The following NSG2 variants were observed in gnomAD, a reference collection of about 807,000 sequenced individuals.
NSG2 encodes neuronal vesicle trafficking associated 2, also known as neuronal vesicle trafficking-associated protein 2.
In NSG2, 4 loss-of-function variants were observed where a neutral mutation model predicts 16.9. The ratio of observed to expected loss-of-function variants is 0.24; its 90% confidence interval spans 0.12 to 0.54. NSG2 has a LOEUF of 0.54. Among genes scored for constraint, NSG2 ranks in the 20% least tolerant of loss-of-function variants. The probability of loss-of-function intolerance (pLI) is 0.95; values close to 1 mark genes in which losing one functional copy is unlikely to be tolerated. For synonymous variants in NSG2, 98 were observed against 88.7 expected (o/e 1.11, Z -0.59); for missense variants, 179 against 221.1 (o/e 0.81, Z 1.21).
At chr5:174,058,403 C>G (rs948399349) in intron 2 of NSG2, among the ~76,000 whole-genome samples, 2 of 152,054 alleles carry the variant, frequency 1.3e-5, no homozygotes, top group Admixed American at 6.5e-5. Flanking sequence ...TGCACTCCAG[C>G]CTGGGCAAAA....
chr5:174,094,754 G>A (rs1760768550), intron 3 of NSG2, among the ~76,000 whole-genome samples: 1 of 152,174 alleles, frequency 6.6e-6, no homozygotes, highest in Admixed American at 6.5e-5. Flanking sequence ...ATCCAACTGG[G>A]TTCTTCCCTT....
chr5:174,101,867 C>G, intron 3 of NSG2, among the ~76,000 whole-genome samples: 1 of 152,104 alleles, frequency 6.6e-6, no homozygotes, highest in Non-Finnish European at 1.5e-5. Flanking sequence ...ATAGGAGTTT[C>G]CTAGGGTGCA....
intron 3 of NSG2, among the ~76,000 whole-genome samples, chr5:174,099,209 G>T (rs1048113499): frequency 1.3e-5 from 2 of 152,086 alleles, no homozygotes; most frequent in East Asian, 3.9e-4. Context: ...AGGAAATCTC[G>T]CCCTGGAACC....
intron 3 of NSG2, among the ~76,000 whole-genome samples, chr5:174,070,975 C>A (rs1581225045): frequency 6.6e-6 from 1 of 152,332 alleles, no homozygotes; most frequent in East Asian, 1.9e-4. Context: ...ACACCCTGAT[C>A]CAGCATTCAG....
chr5:174,082,899 A>C (rs1249385166), intron 3 of NSG2, among the ~76,000 whole-genome samples: 1 of 152,150 alleles, frequency 6.6e-6, no homozygotes, highest in Non-Finnish European at 1.5e-5. Context: ...GATTTTAAAA[A>C]CGCCAATGGA....
rs1000632270 is a variant in NSG2 at position 174,107,196 on chromosome 5, C to T, written c.325-118C>T. The stretch of plus-strand genomic sequence containing the variant: ...GTGCCAGGCCCAGGTCAGGAGCTGT[C>T]ACCTGCCCTCTGGCTGACAGCCCGA... On this transcript the variant is annotated intron_variant, in intron 4 of 4. Coordinates refer to ENST00000303177, the MANE Select transcript of NSG2 (RefSeq NM_015980.5). This position sits in a 1 kb window ranked among gnomAD's most constrained non-coding sequence, Gnocchi z 4.5. The T allele has an allele frequency of 9.2e-5, 81 of 880,182 alleles. 1 individual carries two copies. In the South Asian group the frequency reaches 1.6e-3, roughly 17 times the overall value. 54.5% of individuals were successfully genotyped at this position (880,182 alleles called of 1,614,324 possible). A position where few individuals can be genotyped will look rare whatever the true frequency, so the allele number is the denominator to read the frequency against.
intron 2 of NSG2, among the ~76,000 whole-genome samples, chr5:174,058,724 A>G (rs949414887): frequency 2.6e-5 from 4 of 152,222 alleles, no homozygotes; most frequent in African/African-American, 9.6e-5. Context: ...AAGAAGATGA[A>G]GGCAGAGCAC....
chr5:174,098,634 A>T (rs547183968), intron 3 of NSG2, among the ~76,000 whole-genome samples: 1 of 152,170 alleles, frequency 6.6e-6, no homozygotes, highest in East Asian at 1.9e-4. Flanking sequence ...TTCAGACCAC[A>T]TTCAGTGCTT....
intron 3 of NSG2, among the ~76,000 whole-genome samples, chr5:174,080,547 CTCTTTCTTTTCTTTCTTT>C (rs1197305438): frequency 7.1e-6 from 1 of 141,120 alleles, no homozygotes; most frequent in East Asian, 2.0e-4. Flanking sequence ...CTCTCTCTCT[CTCTTTCTTTTCTTTCTTT>C]TCTTTCTTTT....
intron 2 of NSG2, chr5:174,056,029 G>T (rs1230705023): frequency 2.0e-5 from 3 of 152,248 alleles, no homozygotes; most frequent in Admixed American, 6.5e-5. Flanking sequence ...AACTAAGGAT[G>T]CAGGCCCCAT....
chr5:174,079,786 A>G (rs1440549867), intron 3 of NSG2, among the ~76,000 whole-genome samples: 1 of 152,052 alleles, frequency 6.6e-6, no homozygotes, highest in African/African-American at 2.4e-5. Context: ...TGCTTTTTTC[A>G]TTCTACAATA....
At chr5:174,094,359 A>G (rs1297910168) in intron 3 of NSG2, among the ~76,000 whole-genome samples, 1 of 152,216 alleles carries the variant, frequency 6.6e-6, no homozygotes, top group Admixed American at 6.5e-5. Context: ...GTAAGCCCAT[A>G]GGCTGGGCCA....
chr5:174,065,192 G>A (rs896092974), intron 3 of NSG2, among the ~76,000 whole-genome samples: 1 of 151,938 alleles, frequency 6.6e-6, no homozygotes, highest in Non-Finnish European at 1.5e-5. Flanking sequence ...GCTGGGCGTA[G>A]TGGCGGGCGC....
At chr5:174,064,516 C>T in intron 3 of NSG2, 1 of 422,640 alleles carries the variant, frequency 2.4e-6, no homozygotes, top group East Asian at 3.4e-5. Context: ...CTATCATATT[C>T]TCGTGTACTC....
intron 2 of NSG2, among the ~76,000 whole-genome samples, chr5:174,049,201 G>C (rs779450475): frequency 6.6e-6 from 1 of 152,104 alleles, no homozygotes; most frequent in African/African-American, 2.4e-5. Flanking sequence ...TTAGCCGGGC[G>C]TGGTGGTGGG....
intron 3 of NSG2, among the ~76,000 whole-genome samples, chr5:174,071,539 G>A (rs1161125011): frequency 3.3e-5 from 5 of 152,164 alleles, no homozygotes; most frequent in African/African-American, 1.2e-4. Flanking sequence ...TAAACAAACA[G>A]CAACAAGTAA....
At chr5:174,046,970 C>A (rs527869200) in intron 2 of NSG2, 86 bp downstream of exon 2, 15 of 1,392,928 alleles carry the variant, frequency 1.1e-5, no homozygotes, top group Middle Eastern at 1.9e-4. Context: ...CCCCCCAAAT[C>A]CTTTCATTCT....
Position 174,107,232 on chromosome 5 carries a change from C to G in NSG2, c.325-82C>G, listed in dbSNP as rs1430903671. Reference sequence around the variant, plus strand: ...TGGCTGACAGCCCGATGCAGCTGCACTCCAGTCAGGGTGGCTGTGTTGCTG... The same window carrying G: ...TGGCTGACAGCCCGATGCAGCTGCAGTCCAGTCAGGGTGGCTGTGTTGCTG... On this transcript the variant is annotated intron_variant, in intron 4 of 4. Coordinates refer to ENST00000303177, the MANE Select transcript of NSG2 (RefSeq NM_015980.5). This position sits in a 1 kb window ranked among gnomAD's most constrained non-coding sequence, Gnocchi z 4.5. The G allele has an allele frequency of 1.5e-6, 2 of 1,300,658 alleles. No individual in the cohort carries two copies. The highest frequency in any genetic ancestry group is 2.1e-6 in the Non-Finnish European group (2 of 952,012). The allele number at this position is 1,300,658 out of a possible 1,614,324, so 80.6% of individuals were successfully genotyped here. A position where few individuals can be genotyped will look rare whatever the true frequency, so the allele number is the denominator to read the frequency against.
chr5:174,087,993 A>G (rs891439121), intron 3 of NSG2, among the ~76,000 whole-genome samples: 5 of 152,092 alleles, frequency 3.3e-5, no homozygotes, highest in African/African-American at 1.2e-4. Context: ...TAGACAGAAC[A>G]ATGGGCAGTA....
Sources: gnomAD v4.1 joint callset for allele counts (sites outside exome capture counted in the v4.1 genomes callset) on GRCh38, gnomAD v4.1.1 for gene constraint, Gnocchi (gnomAD v3.1) non-coding constraint, MANE v1.5 for transcripts, NCBI Gene and HGNC (gene_info 2026-07-23, HGNC 2026-07-21) for gene names.